Variants in CMIP observed in about 807,000 individuals in gnomAD.
CMIP encodes the protein C-Maf-inducing protein.
Under a neutral mutation model 97.3 loss-of-function variants are expected in CMIP, and 13 were observed. The observed-to-expected ratio is 0.13, with a 90% CI of 0.09 to 0.21. CMIP has a LOEUF of 0.21. CMIP is among the 10% of genes least tolerant of loss of function. The probability of loss-of-function intolerance (pLI) is 1.00; values close to 1 mark genes in which losing one functional copy is unlikely to be tolerated. For missense variants in CMIP, 847 were observed against 1,024.9 expected, an observed-to-expected ratio of 0.83 and a Z score of 2.37; for synonymous variants, 538 against 436.3, an observed-to-expected ratio of 1.23 and a Z score of -2.91.
chr16:81,491,511 C>G (rs2089405637), intron 1 of CMIP, among the ~76,000 whole-genome samples: 1 of 152,114 alleles, frequency 6.6e-6, no homozygotes, highest in Non-Finnish European at 1.5e-5. Flanking sequence ...TATTTAATTG[C>G]AAAAACAGTA....
intron 1 of CMIP, among the ~76,000 whole-genome samples, chr16:81,470,427 G>C (rs932644424): frequency 6.6e-6 from 1 of 152,322 alleles, no homozygotes; most frequent in South Asian, 2.1e-4. Flanking sequence ...CACAGAGGCC[G>C]GGTCACAGAG....
intron 10 of CMIP, among the ~76,000 whole-genome samples, chr16:81,680,367 G>T (rs1270551991): frequency 6.6e-6 from 1 of 152,212 alleles, no homozygotes; most frequent in African/African-American, 2.4e-5. Flanking sequence ...GCACCCTGGG[G>T]TGCCCCCTGT....
chr16:81,693,222 C>T lies in CMIP; in HGVS notation c.1481+38C>T, dbSNP rs112615705. On this transcript the variant is annotated intron_variant, in intron 12 of 20. Coordinates refer to ENST00000537098, the MANE Select transcript of CMIP (RefSeq NM_198390.3). ...GCACCGCCCTCATTCCATTCTGGCACGCACGGCCTCTGTCCTGAGGTCTTC... is the reference window on the plus strand; with the variant it reads ...GCACCGCCCTCATTCCATTCTGGCATGCACGGCCTCTGTCCTGAGGTCTTC... The T allele has an allele frequency of 1.8e-4, 284 of 1,592,080 alleles. 2 individuals carry two copies. The Admixed American group carries it at 3.4e-3, about 19-fold the overall frequency.
At chr16:81,607,191 C>T (rs1247233661) in intron 1 of CMIP, among the ~76,000 whole-genome samples, 1 of 152,186 alleles carries the variant, frequency 6.6e-6, no homozygotes, top group East Asian at 1.9e-4. Flanking sequence ...GAAGAGAAAT[C>T]GGTGCTTTCT....
At chr16:81,586,559 G>A (rs968314750) in intron 1 of CMIP, among the ~76,000 whole-genome samples, 1 of 152,116 alleles carries the variant, frequency 6.6e-6, no homozygotes, top group African/African-American at 2.4e-5. Context: ...TCCAAGCACT[G>A]TAGCCTGCCA....
intron 13 of CMIP, among the ~76,000 whole-genome samples, 195 bp downstream of exon 13, chr16:81,693,682 C>G (rs994024226): frequency 6.6e-6 from 1 of 152,170 alleles, no homozygotes; most frequent in Non-Finnish European, 1.5e-5. Flanking sequence ...CTGTAAACGC[C>G]GGCTCACCGG....
intron 1 of CMIP, among the ~76,000 whole-genome samples, chr16:81,598,326 C>G (rs1170702240): frequency 2.6e-5 from 4 of 152,190 alleles, no homozygotes; most frequent in African/African-American, 7.2e-5. Flanking sequence ...CCACATCTGG[C>G]TCTTTACAGT....
At chr16:81,593,387 G>A (rs980896983) in intron 1 of CMIP, among the ~76,000 whole-genome samples, 5 of 152,020 alleles carry the variant, frequency 3.3e-5, no homozygotes, top group African/African-American at 1.2e-4. Context: ...GTTGGAGGGC[G>A]GGGGGAGTTT....
intron 3 of CMIP, among the ~76,000 whole-genome samples, chr16:81,625,710 G>A (rs971551033): frequency 1.3e-5 from 2 of 152,348 alleles, no homozygotes; most frequent in African/African-American, 4.8e-5. Context: ...CAGGCTACTG[G>A]GCTGTGAGGA....
At chr16:81,570,131 A>G (rs2091059382) in intron 1 of CMIP, among the ~76,000 whole-genome samples, 1 of 152,006 alleles carries the variant, frequency 6.6e-6, no homozygotes. Context: ...GCTTGTCTGG[A>G]TCCTTGTTTG....
chr16:81,649,261 G>A (rs565828978), intron 3 of CMIP, among the ~76,000 whole-genome samples: 2 of 152,364 alleles, frequency 1.3e-5, no homozygotes, highest in South Asian at 4.1e-4. Context: ...ATGGATGCCT[G>A]TGAGGCAAGG....
At chr16:81,686,083 G>A (rs146385459) in intron 10 of CMIP, among the ~76,000 whole-genome samples, 1,917 of 152,324 alleles carry the variant, frequency 0.013, 30 homozygotes, top group African/African-American at 0.044. Flanking sequence ...AAGAGCACCC[G>A]CCCAGCCAAG....
chr16:81,489,753 C>G (rs144238736), intron 1 of CMIP, among the ~76,000 whole-genome samples: 5 of 152,166 alleles, frequency 3.3e-5, no homozygotes, highest in Non-Finnish European at 7.3e-5. Context: ...GCGATGTGTG[C>G]GTAGTGCCCA....
intron 3 of CMIP, among the ~76,000 whole-genome samples, chr16:81,642,340 C>T (rs184623649): frequency 1.3e-5 from 2 of 152,306 alleles, no homozygotes; most frequent in East Asian, 1.9e-4. Context: ...GACAGTGCCC[C>T]ACTCAGAGTA....
intron 1 of CMIP, among the ~76,000 whole-genome samples, chr16:81,547,675 G>A (rs980574809): frequency 9.9e-5 from 15 of 152,168 alleles, no homozygotes; most frequent in African/African-American, 3.4e-4. Context: ...GGTCCAGATT[G>A]AGTGTCCGTT....
chr16:81,603,352 G>A (rs111450155), intron 1 of CMIP: 5,713 of 453,888 alleles, frequency 0.013, 276 homozygotes, highest in African/African-American at 0.1. Context: ...AAAGTGCTGG[G>A]ATTACAGGCG....
chr16:81,696,607 C>A lies in CMIP; in HGVS notation c.1578C>A (p.Phe526Leu). 1 of 1,607,104 alleles carries A rather than the reference C, an allele frequency of 6.2e-7. No homozygotes were observed. ...LSVRAGKDGW[F>L]QLYSPGGVAC... ...TGCGGGCCGGCAAAGATGGCTGGTT[C>A]CAGCTCTACAGCCCCGGAGGGGTGG... The change falls in exon 14 of 21, where the codon TTC becomes TTA. Residue 526 changes from phenylalanine (F) to leucine (L), a missense_variant. Coordinates refer to ENST00000537098, the MANE Select transcript of CMIP (RefSeq NM_198390.3).
Position 81,543,472 on chromosome 16 carries a change from C to G in CMIP, c.301-64095C>G, listed in dbSNP as rs139608254. On this transcript the variant is annotated intron_variant, in intron 1 of 20. Coordinates refer to ENST00000537098, the MANE Select transcript of CMIP (RefSeq NM_198390.3). ...CCAGGGCTCCCTGCTGCGTCCTGGG[C>G]CAGCCTGTGACCTCCCTTTTCCAGC... is the stretch of plus-strand genomic sequence containing the variant. Among the ~76,000 whole-genome samples, 385 of 152,286 alleles carry G rather than the reference C, an allele frequency of 2.5e-3. 1 individual carries two copies. Among genetic ancestry groups the G allele is most frequent in the African/African-American group, 8.8e-3 (364 of 41,558 alleles).
intron 1 of CMIP, among the ~76,000 whole-genome samples, chr16:81,474,537 G>T (rs1022529083): frequency 7.9e-5 from 12 of 152,208 alleles, no homozygotes; most frequent in African/African-American, 2.9e-4. Context: ...GGGAGGTGCT[G>T]CGTGAGGATC....
Sources: allele counts gnomAD v4.1 joint callset (sites outside exome capture counted in the v4.1 genomes callset), GRCh38; gene constraint gnomAD v4.1.1; transcripts MANE v1.5; gene names NCBI Gene and HGNC (gene_info 2026-07-23, HGNC 2026-07-21).